The following BMERB1 variants were observed in gnomAD, a reference collection of about 807,000 sequenced individuals.
BMERB1 encodes the protein bMERB domain containing 1.
BMERB1 carries 12 observed loss-of-function variants against 23.6 expected under a neutral mutation model. The observed-to-expected ratio is 0.51, with a 90% CI of 0.33 to 0.82. The LOEUF is 0.82. BMERB1 is among the 40% of genes least tolerant of loss of function. BMERB1 has a pLI of 0.03. For missense variants in BMERB1, 247 were observed against 255.4 expected (o/e 0.97, Z 0.22); for synonymous variants, 122 against 96.6 (o/e 1.26, Z -1.54).
chr16:15,466,236 C>T (rs1358677319), intron 1 of BMERB1, among the ~76,000 whole-genome samples: 1 of 152,166 alleles, frequency 6.6e-6, no homozygotes, highest in East Asian at 1.9e-4. Context: ...TATATTTTCA[C>T]CAGCCAACCT....
At chr16:15,535,452 C>A (rs1020084534) in intron 2 of BMERB1, among the ~76,000 whole-genome samples, 1 of 151,960 alleles carries the variant, frequency 6.6e-6, no homozygotes. Flanking sequence ...TGGAGACCAT[C>A]CTGGCCAACA....
At chr16:15,444,148 T>TTTTTTTTTTTTTTTTTTTTTTTTC (rs2050969832) in intron 1 of BMERB1, among the ~76,000 whole-genome samples, 1 of 114,362 alleles carries the variant, frequency 8.7e-6, no homozygotes. Flanking sequence ...TTTTTTTTTT[T>TTTTTTTTTTTTTTTTTTTTTTTTC]TTGGCTGTTT....
At chr16:15,437,462 A>G (rs1229827144) in intron 1 of BMERB1, among the ~76,000 whole-genome samples, 1 of 152,242 alleles carries the variant, frequency 6.6e-6, no homozygotes, top group African/African-American at 2.4e-5. Flanking sequence ...CAACATTTAT[A>G]GACAGAACCT....
At chr16:15,501,036 C>A (rs1015238717) in intron 1 of BMERB1, among the ~76,000 whole-genome samples, 4 of 152,218 alleles carry the variant, frequency 2.6e-5, no homozygotes, top group Non-Finnish European at 5.9e-5. Flanking sequence ...TAAAACATCT[C>A]ATTCGTATCT....
At chr16:15,470,537 T>C (rs555130247) in intron 1 of BMERB1, among the ~76,000 whole-genome samples, 2 of 151,960 alleles carry the variant, frequency 1.3e-5, no homozygotes, top group Non-Finnish European at 2.9e-5. Context: ...TTCTTTCTTT[T>C]TTTTTTTTAG....
At chr16:15,529,324 C>T (rs1386572993) in intron 2 of BMERB1, among the ~76,000 whole-genome samples, 1 of 152,130 alleles carries the variant, frequency 6.6e-6, no homozygotes, top group Non-Finnish European at 1.5e-5. Context: ...CCGCGCCCGG[C>T]GGTGTTTGTT....
chr16:15,441,920 G>A (rs1466615052), intron 1 of BMERB1, among the ~76,000 whole-genome samples: 28 of 152,206 alleles, frequency 1.8e-4, no homozygotes, highest in Non-Finnish European at 4.4e-5. Context: ...GATATAGTCC[G>A]TGATTCCTTC....
chr16:15,538,743 T>A (rs1228732583), intron 2 of BMERB1, among the ~76,000 whole-genome samples: 1 of 152,210 alleles, frequency 6.6e-6, no homozygotes, highest in African/African-American at 2.4e-5. Context: ...TTGTCTGCCA[T>A]CACTATTTGG....
intron 1 of BMERB1, among the ~76,000 whole-genome samples, chr16:15,467,811 A>T (rs1054383948): frequency 1.1e-4 from 17 of 152,196 alleles, no homozygotes; most frequent in African/African-American, 4.1e-4. Context: ...TAAACATTTT[A>T]GGGAGATACA....
intron 1 of BMERB1, among the ~76,000 whole-genome samples, chr16:15,458,406 T>C (rs775502431): frequency 6.6e-6 from 1 of 152,058 alleles, no homozygotes; most frequent in Non-Finnish European, 1.5e-5. Flanking sequence ...ATAAAATAAG[T>C]GATTGGATTC....
intron 3 of BMERB1, among the ~76,000 whole-genome samples, chr16:15,568,322 G>A (rs2030634191): frequency 6.6e-6 from 1 of 152,168 alleles, no homozygotes; most frequent in Non-Finnish European, 1.5e-5. Flanking sequence ...AATAGTAAGA[G>A]GGTCTAATTC....
chr16:15,536,326 G>A (rs1263116675), intron 2 of BMERB1, among the ~76,000 whole-genome samples: 3 of 152,010 alleles, frequency 2.0e-5, no homozygotes, highest in African/African-American at 7.2e-5. Context: ...TGGATGCTTG[G>A]CAGACGAGGC....
Position 15,485,616 on chromosome 16 carries a change from A to G in BMERB1, c.107-29689A>G, listed in dbSNP as rs558574034. 1.9e-4 allele frequency among the ~76,000 whole-genome samples: 29 copies of G among 151,870 alleles called. No individual in the cohort carries two copies. In the South Asian group the frequency reaches 3.7e-3, roughly 20 times the overall value. ...TTTCAGTAATTGGTTCTGAGACACT[A>G]TTTCCCCGAGCACCATCCCAAGTAT... On this transcript the variant is annotated intron_variant, in intron 1 of 5. Transcript: ENST00000300006.
intron 2 of BMERB1, among the ~76,000 whole-genome samples, chr16:15,560,946 C>T (rs1244760214): frequency 6.9e-6 from 1 of 145,784 alleles, no homozygotes; most frequent in Non-Finnish European, 1.5e-5. Flanking sequence ...CCTTTTTTCT[C>T]TGCTGCTTTT....
chr16:15,540,286 G>T (rs1350522355), intron 2 of BMERB1, among the ~76,000 whole-genome samples: 2 of 152,066 alleles, frequency 1.3e-5, no homozygotes, highest in African/African-American at 2.4e-5. Context: ...AGCACTTTGG[G>T]AGGCTGAGGT....
chr16:15,518,808 AAGGGAGGGGGAG>A (rs2051810821), intron 2 of BMERB1, among the ~76,000 whole-genome samples: 1 of 147,346 alleles, frequency 6.8e-6, no homozygotes, highest in Non-Finnish European at 1.5e-5. Flanking sequence ...AGTGGGAGAG[AAGGGAGGGGGAG>A]AGGGAGGGGA....
chr16:15,518,931 C>G (rs968444800), intron 2 of BMERB1, among the ~76,000 whole-genome samples: 1 of 152,110 alleles, frequency 6.6e-6, no homozygotes, highest in Non-Finnish European at 1.5e-5. Context: ...TTTATAAACT[C>G]CATGAGGGCA....
At chr16:15,547,994 G>A (rs1485000191) in intron 2 of BMERB1, among the ~76,000 whole-genome samples, 1 of 152,104 alleles carries the variant, frequency 6.6e-6, no homozygotes, top group African/African-American at 2.4e-5. Context: ...CACTTAGGGT[G>A]TAAAAGGTGC....
intron 2 of BMERB1, among the ~76,000 whole-genome samples, chr16:15,560,808 AAAAT>A (rs1411454070): frequency 7.4e-5 from 11 of 149,460 alleles, no homozygotes; most frequent in South Asian, 2.1e-4. Flanking sequence ...AAAATAAAAT[AAAAT>A]AAATAAATAA....
Sources: allele counts gnomAD v4.1 joint callset (sites outside exome capture counted in the v4.1 genomes callset), GRCh38; gene constraint gnomAD v4.1.1; transcripts MANE v1.5; gene names NCBI Gene and HGNC (gene_info 2026-07-23, HGNC 2026-07-21).